ITGBL1: variants seen among roughly 807,000 people sequenced by gnomAD.
The protein encoded by ITGBL1 is integrin subunit beta like 1, also known as integrin beta-like protein 1.
ITGBL1 carries 51 observed loss-of-function variants against 68.5 expected under a neutral mutation model. The ratio of observed to expected loss-of-function variants is 0.74; its 90% CI spans 0.59 to 0.94. The LOEUF (loss-of-function observed/expected upper bound fraction) is 0.94, where lower values mean the gene tolerates loss of function less well. ITGBL1 is among the 40% of genes least tolerant of loss of function. ITGBL1 has a pLI of 0.00. For missense variants in ITGBL1, 649 were observed against 647.4 expected (o/e 1.00, Z -0.03); for synonymous variants, 209 against 227.3 (o/e 0.92, Z 0.72).
chr13:101,701,945 C>A (rs2034146469), intron 8 of ITGBL1, among the ~76,000 whole-genome samples: 1 of 152,090 alleles, frequency 6.6e-6, no homozygotes, highest in African/African-American at 2.4e-5. Flanking sequence ...TGAGAATATA[C>A]TTAATGCTAC....
chr13:101,462,506 C>T (rs531313318), intron 2 of ITGBL1, among the ~76,000 whole-genome samples: 3 of 152,272 alleles, frequency 2.0e-5, no homozygotes, highest in East Asian at 1.9e-4. Context: ...TATGCTCCAT[C>T]GAGGATGCAA....
At chr13:101,561,147 G>A (rs912809623) in intron 2 of ITGBL1, among the ~76,000 whole-genome samples, 40 of 152,104 alleles carry the variant, frequency 2.6e-4, no homozygotes, top group South Asian at 2.1e-4. Context: ...AGTTGGTAGC[G>A]GCCAAGTATG....
chr13:101,511,447 C>T (rs2049114383), intron 2 of ITGBL1, among the ~76,000 whole-genome samples: 1 of 152,064 alleles, frequency 6.6e-6, no homozygotes, highest in South Asian at 2.1e-4. Context: ...AATGTCACTC[C>T]AGTGATTTTG....
intron 2 of ITGBL1, among the ~76,000 whole-genome samples, chr13:101,471,385 G>C (rs2048454838): frequency 6.6e-6 from 1 of 151,982 alleles, no homozygotes; most frequent in African/African-American, 2.4e-5. Flanking sequence ...ACTCCTCAAG[G>C]GCAGGAATAG....
At chr13:101,534,722 AAAG>A (rs1566719827) in intron 2 of ITGBL1, among the ~76,000 whole-genome samples, 4 of 152,266 alleles carry the variant, frequency 2.6e-5, no homozygotes, top group Non-Finnish European at 4.4e-5. Context: ...CAAAAAGTTG[AAAG>A]AAGGTGTTGG....
chr13:101,544,014 C>T (rs1042135888), intron 2 of ITGBL1, among the ~76,000 whole-genome samples: 5 of 152,070 alleles, frequency 3.3e-5, no homozygotes, highest in East Asian at 1.9e-4. Flanking sequence ...TCCTTTAGCT[C>T]GGAGTAGTTT....
chr13:101,569,643 T>C (rs868503619), intron 3 of ITGBL1, among the ~76,000 whole-genome samples: 12 of 152,184 alleles, frequency 7.9e-5, no homozygotes, highest in East Asian at 5.8e-4. Context: ...CTTTAGAGCA[T>C]TGAAACTTGT....
intron 8 of ITGBL1, among the ~76,000 whole-genome samples, chr13:101,705,838 A>G (rs925451270): frequency 8.5e-5 from 13 of 152,108 alleles, no homozygotes; most frequent in Non-Finnish European, 1.8e-4. Context: ...AGCAGGGACC[A>G]CTTTGTCCAT....
intron 7 of ITGBL1, among the ~76,000 whole-genome samples, chr13:101,686,852 T>C (rs1594980453): frequency 1.3e-5 from 2 of 152,268 alleles, no homozygotes; most frequent in South Asian, 2.1e-4. Flanking sequence ...CACAAAATGC[T>C]ATTCAAAAAT....
chr13:101,618,010 C>T (rs2031434347), intron 7 of ITGBL1, among the ~76,000 whole-genome samples: 1 of 152,118 alleles, frequency 6.6e-6, no homozygotes, highest in East Asian at 1.9e-4. Flanking sequence ...TGATTAGTTA[C>T]ATTGGCAATA....
At chr13:101,489,221 A>G (rs2048741847) in intron 2 of ITGBL1, among the ~76,000 whole-genome samples, 1 of 152,234 alleles carries the variant, frequency 6.6e-6, no homozygotes, top group Admixed American at 6.5e-5. Flanking sequence ...TTGTACACAG[A>G]TAGAAGTTTA....
intron 2 of ITGBL1, among the ~76,000 whole-genome samples, chr13:101,459,739 CAAAT>C (rs2048292432): frequency 6.6e-6 from 1 of 151,716 alleles, no homozygotes; most frequent in African/African-American, 2.4e-5. Context: ...GGCCCTGTTT[CAAAT>C]AAATAAGAAA....
At chr13:101,631,222 T>G (rs572691798) in intron 7 of ITGBL1, among the ~76,000 whole-genome samples, 1 of 152,296 alleles carries the variant, frequency 6.6e-6, no homozygotes, top group Non-Finnish European at 1.5e-5. Flanking sequence ...TGGTTAAAAA[T>G]ATGTCGTCTT....
At chr13:101,705,312 A>G (rs2034236354) in intron 8 of ITGBL1, among the ~76,000 whole-genome samples, 1 of 149,834 alleles carries the variant, frequency 6.7e-6, no homozygotes, top group Non-Finnish European at 1.5e-5. Context: ...AAAAAAAACA[A>G]CAACAACAAA....
chr13:101,466,282 C>T (rs1201765278), intron 2 of ITGBL1, among the ~76,000 whole-genome samples: 2 of 152,194 alleles, frequency 1.3e-5, no homozygotes, highest in Non-Finnish European at 2.9e-5. Flanking sequence ...TTCTGTCTAT[C>T]CTGTATACCA....
intron 2 of ITGBL1, among the ~76,000 whole-genome samples, chr13:101,463,109 GATTAATAA>G (rs1594823805): frequency 6.6e-6 from 1 of 152,114 alleles, no homozygotes; most frequent in East Asian, 1.9e-4. Context: ...ACATATGAGT[GATTAATAA>G]ATCACTGGAG....
At chr13:101,473,457 T>A (rs770541819) in intron 2 of ITGBL1, among the ~76,000 whole-genome samples, 3 of 152,222 alleles carry the variant, frequency 2.0e-5, no homozygotes, top group Non-Finnish European at 2.9e-5. Context: ...CAGATCATTT[T>A]GATCAGCCCT....
chr13:101,619,816 A>C (rs1469792361), intron 7 of ITGBL1, among the ~76,000 whole-genome samples: 1 of 152,200 alleles, frequency 6.6e-6, no homozygotes, highest in Non-Finnish European at 1.5e-5. Flanking sequence ...TCCTTTACTG[A>C]GAGTATCTCA....
At chr13:101,531,065 AC>A (rs1476024075) in intron 2 of ITGBL1, among the ~76,000 whole-genome samples, 37 of 152,264 alleles carry the variant, frequency 2.4e-4, no homozygotes, top group African/African-American at 7.2e-4. Context: ...TATTTTAAAA[AC>A]TTTGGAGGCA....
Sources: gnomAD v4.1 joint callset for allele counts (sites outside exome capture counted in the v4.1 genomes callset) on GRCh38, gnomAD v4.1.1 for gene constraint, MANE v1.5 for transcripts, NCBI Gene and HGNC (gene_info 2026-07-23, HGNC 2026-07-21) for gene names.